The following DEFB129 variants were observed in gnomAD, a reference collection of about 807,000 sequenced individuals.
DEFB129 encodes defensin beta 129.
A neutral mutation model predicts 2.5 loss-of-function variants in DEFB129; 2 were observed. The observed-to-expected ratio is 0.80, with a 90% confidence interval of 0.33 to 2.53. DEFB129 has a LOEUF of 2.53. Ranked by LOEUF, DEFB129 falls within the 30% of genes most tolerant of loss-of-function variation. DEFB129 has a pLI of 0.11. For synonymous variants in DEFB129, 76 were observed against 74.4 expected (o/e 1.02, Z -0.11); for missense variants, 177 against 216.9 (o/e 0.82, Z 1.16).
At chr20:228,644 G>A (rs1409777542) in intron 1 of DEFB129, among the ~76,000 whole-genome samples, 4 of 152,146 alleles carry the variant, frequency 2.6e-5, no homozygotes, top group Admixed American at 6.5e-5. Flanking sequence ...GTACTAAGCC[G>A]AGCAGGAAAT....
Position 229,370 on chromosome 20 carries a change from A to C in DEFB129, c.151A>C (p.Lys51Gln). 1.2e-6 allele frequency: 2 copies of C among 1,614,196 alleles called. No homozygotes were observed. The highest frequency in any genetic ancestry group is 8.5e-7 in the Non-Finnish European group (1 of 1,180,032). Residue 51 changes from lysine (K) to glutamine (Q), a missense_variant, in exon 2 of 2, where the codon AAA becomes CAA. Transcript: ENST00000246105. Reference sequence around the variant, plus strand: ...AAAAGAGATACAGAAATGCAAGATGAAAAAATGTTGTGTTGGACCAAAAGT... The same window carrying C: ...AAAAGAGATACAGAAATGCAAGATGCAAAAATGTTGTGTTGGACCAAAAGT... ...DEKEIQKCKM[K>Q]KCCVGPKVVK...
chr20:229,120 C>G (rs574561997), intron 1 of DEFB129, among the ~76,000 whole-genome samples, 158 bp from the exon 2 acceptor site: 1 of 152,326 alleles, frequency 6.6e-6, no homozygotes, highest in East Asian at 1.9e-4. Flanking sequence ...TAGAGACGCT[C>G]TCAGCCTGCC....
In DEFB129 at chr20:229,854, A is replaced by G. The variant is rs2011322681; in HGVS notation, c.*83A>G. 1 of 1,491,032 alleles carries G rather than the reference A, an allele frequency of 6.7e-7. No individual in the cohort carries two copies. The highest frequency in any genetic ancestry group is 1.4e-5 in the South Asian group (1 of 73,796). 92.4% of individuals were successfully genotyped at this position (1,491,032 alleles called of 1,614,324 possible). On this transcript the variant is annotated 3_prime_UTR_variant, in exon 2 of 2. Transcript: ENST00000246105. ...ACATAGAACTGTTTCCTCTGTCATC[A>G]GTCATTCAATAAACACTGTTTGAGC... is the stretch of plus-strand genomic sequence containing the variant.
intron 1 of DEFB129, 45 bp from the exon 2 acceptor site, chr20:229,233 C>T (rs374361482): frequency 1.3e-6 from 2 of 1,533,698 alleles, no homozygotes; most frequent in Non-Finnish European, 1.7e-6. Flanking sequence ...AACATCATCT[C>T]TAGTTATTAA....
At chr20:227,527 T>C (rs6110460) in intron 1 of DEFB129, among the ~76,000 whole-genome samples, 181 bp downstream of exon 1, 85,944 of 151,984 alleles carry the variant, frequency 0.57, 24,795 homozygotes, top group African/African-American at 0.69. Flanking sequence ...AACTGCCAGA[T>C]TGTGTCCAGT....
intron 1 of DEFB129, among the ~76,000 whole-genome samples, chr20:227,813 G>C (rs537145930): frequency 1.3e-5 from 2 of 152,166 alleles, no homozygotes; most frequent in East Asian, 3.9e-4. Flanking sequence ...ATTAAGCCCA[G>C]GATGCATTAG....
chr20:228,280 A>T (rs767404990), intron 1 of DEFB129, among the ~76,000 whole-genome samples: 5 of 148,622 alleles, frequency 3.4e-5, no homozygotes, highest in Admixed American at 6.7e-5. Context: ...TTTATCTTCT[A>T]ATGTTTTTAT....
At chr20:228,272 T>TA (rs1349592348) in intron 1 of DEFB129, among the ~76,000 whole-genome samples, 1 of 142,328 alleles carries the variant, frequency 7.0e-6, no homozygotes, top group South Asian at 2.4e-4. Flanking sequence ...CTAATGTTTT[T>TA]ATCTTCTAAT....
intron 1 of DEFB129, 41 bp downstream of exon 1, chr20:227,387 A>C: frequency 4.3e-6 from 7 of 1,610,068 alleles, no homozygotes; most frequent in Non-Finnish European, 6.0e-6. Context: ...AGATGAGAGG[A>C]ACCAAGGATT....
rs749767577 is a variant in DEFB129, at chr20:227,267, G to A, written c.-22G>A. On this transcript the variant is annotated 5_prime_UTR_variant, in exon 1 of 2. Coordinates refer to ENST00000246105, the MANE Select transcript of DEFB129 (RefSeq NM_080831.4). The stretch of plus-strand genomic sequence containing the variant: ...TCAGGAGCATCAACCCAGATTCAAG[G>A]CTTCCTCTCTGGCACCCAACCATGA... 6.2e-7 allele frequency: 1 copy of A among 1,614,026 alleles called. No individual in the cohort carries two copies. Among genetic ancestry groups the A allele is most frequent in the Admixed American group, 1.7e-5 (1 of 60,024 alleles).
chr20:229,407 T>C lies in DEFB129; in HGVS notation c.188T>C (p.Ile63Thr), dbSNP rs142429237. ...CCVGPKVVKL[I>T]KNYLQYGTPN... ...GTTGGACCAAAAGTGGTTAAATTGA[T>C]TAAAAACTACCTGCAATATGGAACA... is the stretch of plus-strand genomic sequence containing the variant. Residue 63 changes from isoleucine (I) to threonine (T), a missense_variant, in exon 2 of 2, where the codon ATT becomes ACT. Transcript: ENST00000246105. 2.8e-3 allele frequency: 4,577 copies of C among 1,614,052 alleles called. 17 individuals carry two copies. Among genetic ancestry groups the C allele is most frequent in the Non-Finnish European group, 3.5e-3 (4,077 of 1,180,008 alleles).
At chr20:228,727 T>C (rs888054248) in intron 1 of DEFB129, among the ~76,000 whole-genome samples, 1 of 152,156 alleles carries the variant, frequency 6.6e-6, no homozygotes, top group Admixed American at 6.5e-5. Flanking sequence ...TGAATGAGAC[T>C]TCTGAGAGAT....
At chr20:227,434 A>T in intron 1 of DEFB129, 88 bp downstream of exon 1, 2 of 1,455,632 alleles carry the variant, frequency 1.4e-6, no homozygotes, top group Admixed American at 1.7e-5. Flanking sequence ...AAGAGAGGAG[A>T]CTGAAAGATT....
intron 1 of DEFB129, among the ~76,000 whole-genome samples, chr20:228,672 A>G (rs2011306978): frequency 6.6e-6 from 1 of 152,180 alleles, no homozygotes; most frequent in African/African-American, 2.4e-5. Context: ...TATAGATAAC[A>G]ATACAGAAGT....
Position 229,832 on chromosome 20 carries a change from T to C in DEFB129, c.*61T>C. The C allele has an allele frequency of 1.3e-6, 2 of 1,537,244 alleles. No homozygotes were observed. Among genetic ancestry groups the C allele is most frequent in the Non-Finnish European group, 1.7e-6 (2 of 1,150,048 alleles). ...TATTTTTGCTATCTATAAAATGACA[T>C]AGAACTGTTTCCTCTGTCATCAGTC... is the stretch of plus-strand genomic sequence containing the variant. On this transcript the variant is annotated 3_prime_UTR_variant, in exon 2 of 2. Coordinates refer to ENST00000246105, the MANE Select transcript of DEFB129 (RefSeq NM_080831.4).
chr20:227,983 T>A (rs1440988212), intron 1 of DEFB129, among the ~76,000 whole-genome samples: 1 of 152,150 alleles, frequency 6.6e-6, no homozygotes, highest in Non-Finnish European at 1.5e-5. Context: ...CCTTTCAAGA[T>A]CAAGTAAACA....
chr20:229,848 G>C lies in DEFB129; in HGVS notation c.*77G>C, dbSNP rs2011322586. On this transcript the variant is annotated 3_prime_UTR_variant, in exon 2 of 2. Coordinates refer to ENST00000246105, the MANE Select transcript of DEFB129 (RefSeq NM_080831.4). Reference sequence around the variant, plus strand: ...AAAATGACATAGAACTGTTTCCTCTGTCATCAGTCATTCAATAAACACTGT... The same window carrying C: ...AAAATGACATAGAACTGTTTCCTCTCTCATCAGTCATTCAATAAACACTGT... 8 of 1,500,798 alleles carry C rather than the reference G, an allele frequency of 5.3e-6. No homozygotes were observed. Among genetic ancestry groups the C allele is most frequent in the Non-Finnish European group, 7.1e-6 (8 of 1,131,280 alleles). 93.0% of individuals were successfully genotyped at this position (1,500,798 alleles called of 1,614,324 possible). A position where few individuals can be genotyped will look rare whatever the true frequency, so the allele number is the denominator to read the frequency against.
At chr20:228,469 G>A (rs972976845) in intron 1 of DEFB129, among the ~76,000 whole-genome samples, 2 of 152,194 alleles carry the variant, frequency 1.3e-5, no homozygotes, top group Non-Finnish European at 2.9e-5. Flanking sequence ...ATGTGGAAAT[G>A]TATGCAAATA....
rs13045643 is a variant in DEFB129, at chr20:229,420, G to A, written c.201G>A (p.Leu67=). The A allele has an allele frequency of 0.4, 638,286 of 1,613,862 alleles. 131,673 individuals are homozygous for A. Among genetic ancestry groups the A allele is most frequent in the Non-Finnish European group, 0.42 (495,032 of 1,179,922 alleles). ...TGGTTAAATTGATTAAAAACTACCTGCAATATGGAACACCAAATGTACTTA... is the reference window on the plus strand; with the variant it reads ...TGGTTAAATTGATTAAAAACTACCTACAATATGGAACACCAAATGTACTTA... ...PKVVKLIKNY[L]QYGTPNVLNE... The change falls in exon 2 of 2, where the codon CTG becomes CTA. Residue 67 remains leucine (L), a synonymous_variant. Coordinates refer to ENST00000246105, the MANE Select transcript of DEFB129 (RefSeq NM_080831.4).
Sources: gnomAD v4.1 joint callset for allele counts (sites outside exome capture counted in the v4.1 genomes callset) on GRCh38, gnomAD v4.1.1 for gene constraint, MANE v1.5 for transcripts, NCBI Gene and HGNC (gene_info 2026-07-23, HGNC 2026-07-21) for gene names.